The following CCDC160 variants were observed in gnomAD, a reference collection of about 807,000 sequenced individuals.
CCDC160 encodes the protein coiled-coil domain-containing protein 160.
For missense variants in CCDC160, 227 were observed against 215.6 expected (o/e 1.05, Z -0.33); for synonymous variants, 94 against 79.4 (o/e 1.18, Z -0.98).
At chrX:134,238,121 C>G (rs2077016063) in intron 1 of CCDC160, among the ~76,000 whole-genome samples, 1 of 111,395 alleles carries the variant, frequency 9.0e-6, no homozygotes, top group Admixed American at 9.6e-5. Flanking sequence ...AATGCGGTTC[C>G]TGGCGTGCTC....
chrX:134,243,412 T>C (rs146699774), intron 1 of CCDC160: 1 of 643,294 alleles, frequency 1.6e-6, no homozygotes, highest in East Asian at 1.6e-4. Context: ...GTATGTTCAG[T>C]ACCTGTAGGT....
At chrX:134,242,845 A>C (rs990581535) in intron 1 of CCDC160, among the ~76,000 whole-genome samples, 3 of 111,117 alleles carry the variant, frequency 2.7e-5, no homozygotes, top group Non-Finnish European at 5.7e-5. Context: ...TAAGAGGAAT[A>C]GTAATCTCTC....
At position 134,241,509 on chromosome X, in the gene CCDC160, A is replaced by G. The variant is rs190738743; in HGVS notation, c.-24-3268A>G. On this transcript the variant is annotated intron_variant, in intron 1 of 1. Transcript: ENST00000370809. Reference sequence around the variant, plus strand: ...CTAGAACCATCAGGAATCCATTATTAATTCATGTCAGACACAAATGAATAG... The same window carrying G: ...CTAGAACCATCAGGAATCCATTATTGATTCATGTCAGACACAAATGAATAG... 9.4e-4 allele frequency among the ~76,000 whole-genome samples: 105 copies of G among 111,927 alleles called. 1 individual carries two copies. Among genetic ancestry groups the G allele is most frequent in the African/African-American group, 3.2e-3 (100 of 30,876 alleles).
intron 1 of CCDC160, among the ~76,000 whole-genome samples, chrX:134,242,327 A>G (rs960380939): frequency 7.2e-5 from 8 of 111,410 alleles, no homozygotes; most frequent in African/African-American, 2.6e-4. Context: ...GGGGAATGAA[A>G]CCTAGCAGAT....
intron 1 of CCDC160, 150 bp downstream of exon 1, chrX:134,237,493 G>A (rs2077013572): frequency 8.9e-6 from 1 of 112,611 alleles, no homozygotes; most frequent in African/African-American, 3.2e-5. Flanking sequence ...TAGAGCCCCA[G>A]GCCGGGGCTG....
At chrX:134,239,702 G>C (rs1028873768) in intron 1 of CCDC160, among the ~76,000 whole-genome samples, 1 of 111,341 alleles carries the variant, frequency 9.0e-6, no homozygotes, top group African/African-American at 3.3e-5. Flanking sequence ...GCTGGTTTAT[G>C]TTCAAAGGGA....
chrX:134,243,887 C>T (rs1190084751), intron 1 of CCDC160, among the ~76,000 whole-genome samples: 1 of 111,669 alleles, frequency 9.0e-6, no homozygotes, highest in African/African-American at 3.2e-5. Context: ...TCTCCCTTCC[C>T]TCAGAAGTAG....
chrX:134,245,931 T>G (rs1401982023), downstream of CCDC160: 15 of 407,402 alleles, frequency 3.7e-5, no homozygotes, highest in Non-Finnish European at 3.6e-5. Context: ...GTTTCCAAGC[T>G]TCTGCTTTCT....
In CCDC160 at chrX:134,245,228, C is replaced by CA; in HGVS notation, c.432dup (p.Leu145ThrfsTer8). On this transcript the variant is annotated frameshift_variant, in exon 2 of 2. Transcript: ENST00000370809. LOFTEE classifies it low-confidence loss of function (END_TRUNC). ...AAGAAATTTATGGAAAGAATGTCTCCAAAACTTTGCCTGAATCTTTTGAAT... is the reference window on the plus strand; with the variant it reads ...AAGAAATTTATGGAAAGAATGTCTCCAAAAACTTTGCCTGAATCTTTTGAAT... 1 of 1,193,663 alleles carries CA rather than the reference C, an allele frequency of 8.4e-7. No homozygotes were observed. The highest frequency in any genetic ancestry group is 1.1e-6 in the Non-Finnish European group (1 of 886,242).
downstream of CCDC160, among the ~76,000 whole-genome samples, chrX:134,246,611 T>C (rs1254229127): frequency 8.9e-6 from 1 of 112,177 alleles, no homozygotes; most frequent in African/African-American, 3.2e-5. Flanking sequence ...GATAAACTTT[T>C]AGTGAGCTGG....
chrX:134,246,341 C>T (rs2077043253), downstream of CCDC160: 1 of 111,105 alleles, frequency 9.0e-6, no homozygotes. Flanking sequence ...TTTTTTCTTC[C>T]CCCTGCTGTT....
rs377510016 is a variant in CCDC160, at chrX:134,239,100, A to T, written c.-25+1757A>T. Among the ~76,000 whole-genome samples the T allele has an allele frequency of 1.3e-3, 145 of 111,937 alleles. 1 individual carries two copies. The highest frequency in any genetic ancestry group is 4.1e-3 in the African/African-American group (126 of 30,818). On this transcript the variant is annotated intron_variant, in intron 1 of 1. Transcript: ENST00000370809. ...CAGAGGAGAAATTATGTCAAAAAAA[A>T]TTTTTTTTAAACTAAATTAGAATCA...
exon 2 of CCDC160, chrX:134,245,452 A>G: frequency 3.0e-5 from 35 of 1,184,214 alleles, no homozygotes; most frequent in Non-Finnish European, 3.8e-5. Context: ...AACAAATGTA[A>G]AAAACTTAAG....
At chrX:134,246,306 A>G (rs953967334), downstream of CCDC160, 3 of 111,276 alleles carry the variant, frequency 2.7e-5, no homozygotes, top group East Asian at 2.8e-4. Flanking sequence ...CGGTACATAT[A>G]AACATCTCTG....
exon 2 of CCDC160, chrX:134,245,093 A>T (rs767214737): frequency 1.7e-6 from 2 of 1,186,289 alleles, no homozygotes; most frequent in South Asian, 1.9e-5. Context: ...TCTGCATCCT[A>T]TGAATCATCT....
chrX:134,240,259 TG>T, intron 1 of CCDC160, among the ~76,000 whole-genome samples: 1 of 112,503 alleles, frequency 8.9e-6, no homozygotes, highest in East Asian at 2.8e-4. Flanking sequence ...TGATTTCCTT[TG>T]TAACAGATTT....
chrX:134,241,134 A>G (rs2077026364), intron 1 of CCDC160, among the ~76,000 whole-genome samples: 1 of 111,366 alleles, frequency 9.0e-6, no homozygotes, highest in African/African-American at 3.3e-5. Context: ...GAAAAATGAA[A>G]CTGAGATGGT....
chrX:134,240,634 G>C (rs1003019751), intron 1 of CCDC160, among the ~76,000 whole-genome samples: 1 of 97,590 alleles, frequency 1.0e-5, no homozygotes, highest in Non-Finnish European at 2.0e-5. Context: ...TTTGTGAAGA[G>C]AGATGGTCCT....
exon 2 of CCDC160, chrX:134,245,024 A>G: frequency 8.5e-7 from 1 of 1,179,824 alleles, no homozygotes; most frequent in African/African-American, 1.8e-5. Context: ...GAAATAGAAC[A>G]AGAACAAAAT....
Sources: allele counts gnomAD v4.1 joint callset (sites outside exome capture counted in the v4.1 genomes callset), GRCh38; gene constraint gnomAD v4.1.1; transcripts MANE v1.5; gene names NCBI Gene and HGNC (gene_info 2026-07-23, HGNC 2026-07-21).